PPARGC1A: variants seen among roughly 807,000 people sequenced by gnomAD.
The protein encoded by PPARGC1A is peroxisome proliferator-activated receptor gamma coactivator 1-alpha.
In PPARGC1A, 25 loss-of-function variants were observed where a neutral mutation model predicts 88.7. The ratio of observed to expected loss-of-function variants is 0.28; its 90% CI spans 0.21 to 0.39. PPARGC1A has a LOEUF of 0.39. Ranked by LOEUF, PPARGC1A falls within the 10% of genes least tolerant of loss-of-function variation. The pLI is 1.00. For missense variants in PPARGC1A, 880 were observed against 968.7 expected, an observed-to-expected ratio of 0.91 and a Z score of 1.22; for synonymous variants, 363 against 355.6, an observed-to-expected ratio of 1.02 and a Z score of -0.24.
the PPARGC1A span, among the ~76,000 whole-genome samples, chr4:24,339,027 C>A: frequency 5.7e-3 from 866 of 152,092 alleles, 6 homozygotes; most frequent in Middle Eastern, 0.01. Flanking sequence ...CCTGTACCCA[C>A]TAAAAAATAA....
At chr4:24,063,328 C>G in the PPARGC1A span, among the ~76,000 whole-genome samples, 9 of 152,110 alleles carry the variant, frequency 5.9e-5, no homozygotes, top group African/African-American at 2.2e-4. Context: ...AAGATGAGAC[C>G]GCTTTTCTTG....
chr4:24,220,735 G>A, the PPARGC1A span, among the ~76,000 whole-genome samples: 2 of 152,236 alleles, frequency 1.3e-5, no homozygotes, highest in South Asian at 2.1e-4. Flanking sequence ...GGGAAAGGGA[G>A]GGAGACAAAG....
chr4:24,090,381 C>G, the PPARGC1A span, among the ~76,000 whole-genome samples: 2 of 152,158 alleles, frequency 1.3e-5, no homozygotes, highest in African/African-American at 4.8e-5. Flanking sequence ...CCTTACTTAA[C>G]ATCACATTGC....
chr4:24,405,452 A>G, the PPARGC1A span, among the ~76,000 whole-genome samples: 5 of 152,246 alleles, frequency 3.3e-5, no homozygotes, highest in Non-Finnish European at 7.3e-5. Flanking sequence ...AGAAGGAATT[A>G]TCTCCGCAGG....
chr4:23,796,123 T>G lies in PPARGC1A; in HGVS notation c.2294-198A>C, dbSNP rs140339628. 2.9e-3 allele frequency among the ~76,000 whole-genome samples: 443 copies of G among 152,216 alleles called. 2 individuals are homozygous for G. Among genetic ancestry groups the G allele is most frequent in the African/African-American group, 0.01 (420 of 41,550 alleles). On this transcript the variant is annotated intron_variant, in intron 12 of 12. Coordinates refer to ENST00000264867, the MANE Select transcript of PPARGC1A (RefSeq NM_013261.5). ...TAGTGAGCTTTCAAAAACACGCACC[T>G]GTTGACTCGTTTAGGCTTAAACACC...
rs1560380306 is a variant in PPARGC1A, at chr4:23,824,517, A to T, written c.758-9T>A. ...TAAAGTTGTTGGTTTGGCTAAAGAA[A>T]AAAAAAAGAAACTAATTATGTAATA... is the stretch of plus-strand genomic sequence containing the variant. On this transcript the variant is annotated splice_polypyrimidine_tract_variant and intron_variant, in intron 5 of 12. Coordinates refer to ENST00000264867, the MANE Select transcript of PPARGC1A (RefSeq NM_013261.5). 4.4e-6 allele frequency: 7 copies of T among 1,582,304 alleles called. No individual in the cohort carries two copies. The highest frequency in any genetic ancestry group is 6.0e-6 in the Non-Finnish European group (7 of 1,160,838).
the PPARGC1A span, among the ~76,000 whole-genome samples, chr4:23,961,054 C>A: frequency 6.6e-6 from 1 of 152,012 alleles, no homozygotes; most frequent in Non-Finnish European, 1.5e-5. Context: ...TGTATGTGTG[C>A]GTGTGTAATT....
At chr4:24,313,386 C>T in the PPARGC1A span, among the ~76,000 whole-genome samples, 1 of 152,144 alleles carries the variant, frequency 6.6e-6, no homozygotes, top group African/African-American at 2.4e-5. Flanking sequence ...TGCCATGTTC[C>T]AGCCAAAGCA....
At chr4:24,017,026 TTAGGG>T in the PPARGC1A span, among the ~76,000 whole-genome samples, 1 of 152,150 alleles carries the variant, frequency 6.6e-6, no homozygotes, top group African/African-American at 2.4e-5. Flanking sequence ...TCTACAGAGA[TTAGGG>T]TAGTAACATA....
chr4:23,991,279 A>C, the PPARGC1A span, among the ~76,000 whole-genome samples: 1 of 152,122 alleles, frequency 6.6e-6, no homozygotes, highest in Non-Finnish European at 1.5e-5. Flanking sequence ...GAAATGAGGA[A>C]TAATGTTTCT....
the PPARGC1A span, among the ~76,000 whole-genome samples, chr4:24,057,204 C>T: frequency 6.6e-6 from 1 of 152,004 alleles, no homozygotes; most frequent in Non-Finnish European, 1.5e-5. Context: ...AATCTCAAAA[C>T]GATAAATATC....
the PPARGC1A span, among the ~76,000 whole-genome samples, chr4:23,961,412 G>T: frequency 6.6e-6 from 1 of 152,164 alleles, no homozygotes; most frequent in Non-Finnish European, 1.5e-5. Flanking sequence ...GAAGTTCTCA[G>T]CATGTTTAAA....
chr4:23,901,619 T>C (rs1719397449), upstream of PPARGC1A, among the ~76,000 whole-genome samples: 1 of 150,934 alleles, frequency 6.6e-6, no homozygotes, highest in Non-Finnish European at 1.5e-5. Flanking sequence ...CAAGACAGCA[T>C]GAGCTTGGGA....
chr4:24,421,459 C>T, the PPARGC1A span, among the ~76,000 whole-genome samples: 1 of 151,894 alleles, frequency 6.6e-6, no homozygotes, highest in Non-Finnish European at 1.5e-5. Context: ...TACAGGCGCC[C>T]GCCATCAAGT....
intron 1 of PPARGC1A, among the ~76,000 whole-genome samples, chr4:23,886,857 A>T (rs201760991): frequency 0.17 from 6,103 of 36,032 alleles, 164 homozygotes; most frequent in South Asian, 0.29. Context: ...CATAGTCTTT[A>T]AAAAAAAAAA....
the PPARGC1A span, among the ~76,000 whole-genome samples, chr4:23,992,765 T>C: frequency 1.3e-5 from 2 of 152,156 alleles, no homozygotes; most frequent in African/African-American, 4.8e-5. Flanking sequence ...TGCTTTCATT[T>C]TAAACTCTTC....
the PPARGC1A span, among the ~76,000 whole-genome samples, chr4:23,946,342 A>G: frequency 6.6e-6 from 1 of 152,172 alleles, no homozygotes; most frequent in African/African-American, 2.4e-5. Context: ...AGAGCCTCAA[A>G]TGAAAGCACA....
the PPARGC1A span, among the ~76,000 whole-genome samples, chr4:24,169,368 T>A: frequency 6.6e-6 from 1 of 152,022 alleles, no homozygotes; most frequent in Non-Finnish European, 1.5e-5. Flanking sequence ...ATGTGAGGTA[T>A]AAAAACCAGA....
chr4:24,177,042 T>C, the PPARGC1A span, among the ~76,000 whole-genome samples: 1 of 152,166 alleles, frequency 6.6e-6, no homozygotes, highest in Non-Finnish European at 1.5e-5. Flanking sequence ...GTTCAACCAT[T>C]GTGGAAGTCA....
Sources: gnomAD v4.1 joint callset for allele counts (sites outside exome capture counted in the v4.1 genomes callset) on GRCh38, gnomAD v4.1.1 for gene constraint, MANE v1.5 for transcripts, NCBI Gene and HGNC (gene_info 2026-07-23, HGNC 2026-07-21) for gene names.